CDH18: variants seen among roughly 807,000 people sequenced by gnomAD.
The protein encoded by CDH18 is cadherin 18.
In CDH18, 31 loss-of-function variants were observed where a neutral mutation model predicts 67.9. That is an observed-to-expected ratio of 0.46 (90% confidence interval 0.34 to 0.62). The LOEUF is 0.62. CDH18 is among the 20% of genes least tolerant of loss of function. The pLI, the probability that CDH18 is intolerant of heterozygous loss-of-function variation, is 0.01. For missense variants in CDH18, 890 were observed against 975.5 expected, an observed-to-expected ratio of 0.91 and a Z score of 1.17; for synonymous variants, 362 against 347.2, an observed-to-expected ratio of 1.04 and a Z score of -0.48.
intron 3 of CDH18, among the ~76,000 whole-genome samples, chr5:19,791,219 A>C (rs975755587): frequency 6.6e-6 from 1 of 152,194 alleles, no homozygotes; most frequent in Admixed American, 6.6e-5. Flanking sequence ...TCATTTGAAA[A>C]TGAGAGTGGC....
At chr5:20,219,996 A>T (rs1468585880) in intron 2 of CDH18, among the ~76,000 whole-genome samples, 1 of 151,988 alleles carries the variant, frequency 6.6e-6, no homozygotes, top group Admixed American at 6.6e-5. Context: ...AAAGGGAAAG[A>T]TATTTTATAT....
chr5:19,515,264 T>C (rs1007959985), intron 10 of CDH18, among the ~76,000 whole-genome samples: 1 of 152,342 alleles, frequency 6.6e-6, no homozygotes, highest in East Asian at 1.9e-4. Context: ...TAGTATAGTT[T>C]GAAGTCAGGT....
chr5:20,422,163 A>C (rs934116673), intron 1 of CDH18, among the ~76,000 whole-genome samples: 2 of 150,870 alleles, frequency 1.3e-5, no homozygotes, highest in Non-Finnish European at 2.9e-5. Context: ...TTCCAAATGT[A>C]TCTACATATT....
At chr5:20,326,784 G>A (rs372616504) in intron 1 of CDH18, among the ~76,000 whole-genome samples, 2 of 152,116 alleles carry the variant, frequency 1.3e-5, no homozygotes, top group Non-Finnish European at 2.9e-5. Flanking sequence ...CTTGTGATCT[G>A]CCAGCCTTGG....
At chr5:20,358,460 G>A (rs1168237881) in intron 1 of CDH18, among the ~76,000 whole-genome samples, 5 of 152,084 alleles carry the variant, frequency 3.3e-5, no homozygotes, top group Non-Finnish European at 7.4e-5. Context: ...TATAGCTAGC[G>A]TTTTTTGTGG....
intron 1 of CDH18, among the ~76,000 whole-genome samples, chr5:20,477,974 T>C (rs1220786074): frequency 1.3e-5 from 2 of 152,166 alleles, no homozygotes; most frequent in African/African-American, 4.8e-5. Flanking sequence ...TAGATCCCAG[T>C]TGATATTTCT....
Position 19,747,067 on chromosome 5 carries a change from C to A in CDH18, c.398G>T (p.Arg133Ile). The change falls in exon 4 of 13, where the codon AGA becomes ATA. Residue 133 changes from arginine (R) to isoleucine (I), a missense_variant. Arg to Ile is a moderately conservative substitution (Grantham distance 97). Around this residue, in one of 2 missense-constraint regions of CDH18, gnomAD observed 234 missense variants for 307.4 expected, o/e 0.76. Coordinates refer to ENST00000382275, the MANE Select transcript of CDH18 (RefSeq NM_004934.5). ...HYVLHAQAID[R>I]RTNKPLEPES... is the part of the protein sequence containing the mutation. ...AGGCTCAAGAGGTTTGTTTGTACGTCTATCAATAGCTTGAGCATGAAGCAC... is the reference window on the plus strand; with the variant it reads ...AGGCTCAAGAGGTTTGTTTGTACGTATATCAATAGCTTGAGCATGAAGCAC... 6.2e-7 allele frequency: 1 copy of A among 1,614,144 alleles called. No homozygotes were observed. Among genetic ancestry groups the A allele is most frequent in the Non-Finnish European group, 8.5e-7 (1 of 1,180,018 alleles).
At chr5:20,519,787 TTTC>T (rs1755615618) in intron 1 of CDH18, among the ~76,000 whole-genome samples, 1 of 151,902 alleles carries the variant, frequency 6.6e-6, no homozygotes, top group Admixed American at 6.6e-5. Flanking sequence ...CATTTGCTCT[TTTC>T]TTCAGCATCA....
chr5:19,906,586 G>T (rs1790568243), intron 2 of CDH18, among the ~76,000 whole-genome samples: 1 of 151,874 alleles, frequency 6.6e-6, no homozygotes, highest in South Asian at 2.1e-4. Context: ...CAAAATGAAG[G>T]ACCCACAGAA....
intron 8 of CDH18, among the ~76,000 whole-genome samples, chr5:19,565,991 G>A (rs865866610): frequency 7.9e-5 from 12 of 151,524 alleles, no homozygotes; most frequent in Admixed American, 3.9e-4. Context: ...ATTAATAACC[G>A]GAATATAATT....
At chr5:20,245,591 C>G (rs191954234) in intron 2 of CDH18, among the ~76,000 whole-genome samples, 20 of 152,156 alleles carry the variant, frequency 1.3e-4, no homozygotes. Flanking sequence ...AAAGAGATCA[C>G]TAACCTAAAT....
At chr5:20,463,384 A>G (rs747493764) in intron 1 of CDH18, among the ~76,000 whole-genome samples, 17 of 152,056 alleles carry the variant, frequency 1.1e-4, no homozygotes, top group African/African-American at 3.9e-4. Flanking sequence ...CTGTTCTCAC[A>G]CTGCTATGTA....
At chr5:19,544,255 A>G (rs1192588328) in intron 8 of CDH18, among the ~76,000 whole-genome samples, 5 of 152,120 alleles carry the variant, frequency 3.3e-5, no homozygotes, top group Non-Finnish European at 7.4e-5. Flanking sequence ...CATGAATAAA[A>G]GTAGATAGCA....
intron 2 of CDH18, among the ~76,000 whole-genome samples, chr5:19,929,476 A>T (rs1051596027): frequency 6.6e-6 from 1 of 152,158 alleles, no homozygotes; most frequent in Admixed American, 6.6e-5. Flanking sequence ...TGTTGAGACG[A>T]AGAATAAATA....
At chr5:20,560,906 C>T (rs1454816422) in intron 1 of CDH18, among the ~76,000 whole-genome samples, 1 of 151,814 alleles carries the variant, frequency 6.6e-6, no homozygotes, top group Non-Finnish European at 1.5e-5. Flanking sequence ...ACAATACATC[C>T]TAAAAGTCAG....
Position 19,662,446 on chromosome 5 carries a change from C to A in CDH18, c.644-49845G>T, listed in dbSNP as rs1254025693. Among the ~76,000 whole-genome samples the A allele has an allele frequency of 7.2e-5, 11 of 152,120 alleles. No homozygotes were observed. In the East Asian group the frequency reaches 2.1e-3, roughly 29 times the overall value. ...AGGTAAATATAACCATACAAAAATT[C>A]TTGCTGTGACTTTATGCTTCAATAC... is the stretch of plus-strand genomic sequence containing the variant. On this transcript the variant is annotated intron_variant, in intron 5 of 12. Transcript: ENST00000382275.
At chr5:20,113,628 T>C (rs1747657907) in intron 2 of CDH18, among the ~76,000 whole-genome samples, 1 of 152,204 alleles carries the variant, frequency 6.6e-6, no homozygotes. Context: ...TTATTAACAA[T>C]GACAGCCTCA....
chr5:20,452,004 A>G (rs1750490999), intron 1 of CDH18, among the ~76,000 whole-genome samples: 1 of 152,046 alleles, frequency 6.6e-6, no homozygotes, highest in Non-Finnish European at 1.5e-5. Context: ...AGAAATTTAT[A>G]TACTTTATAC....
chr5:20,162,478 GTAATAGACATATATA>G (rs1735966442), intron 2 of CDH18, among the ~76,000 whole-genome samples: 1 of 137,938 alleles, frequency 7.2e-6, no homozygotes, highest in Non-Finnish European at 1.5e-5. Context: ...ACGATATATG[GTAATAGACATATATA>G]TAATAGACAT....
Sources: gnomAD v4.1 joint callset for allele counts (sites outside exome capture counted in the v4.1 genomes callset) on GRCh38, gnomAD v4.1.1 for gene constraint, gnomAD v4.1.1 regional missense constraint, MANE v1.5 for transcripts, NCBI Gene and HGNC (gene_info 2026-07-23, HGNC 2026-07-21) for gene names.